The following KCNB2 variants were observed in gnomAD, a reference collection of about 807,000 sequenced individuals.
KCNB2 encodes the protein delayed rectifier potassium channel protein.
Under a neutral mutation model 61.5 loss-of-function variants are expected in KCNB2, and 15 were observed. The ratio of observed to expected loss-of-function variants is 0.24; its 90% CI spans 0.16 to 0.38. The LOEUF is 0.38. Among genes scored for constraint, KCNB2 ranks in the 10% least tolerant of loss-of-function variants. The pLI is 1.00. For missense variants in KCNB2, 828 were observed against 1,125.2 expected (o/e 0.74, Z 3.78); for synonymous variants, 457 against 446.0 (o/e 1.02, Z -0.31).
At chr8:72,894,835 A>G (rs192702726) in intron 2 of KCNB2, among the ~76,000 whole-genome samples, 138 of 152,338 alleles carry the variant, frequency 9.1e-4, no homozygotes, top group African/African-American at 3.2e-3. Context: ...ATTTTAGACC[A>G]TCTGGACATT....
At chr8:72,764,260 A>T (rs1174178707) in intron 2 of KCNB2, among the ~76,000 whole-genome samples, 1 of 152,180 alleles carries the variant, frequency 6.6e-6, no homozygotes, top group Non-Finnish European at 1.5e-5. Context: ...ACTGGAGCAG[A>T]TATGGGAGAA....
intron 2 of KCNB2, among the ~76,000 whole-genome samples, chr8:72,817,570 A>G (rs538987885): frequency 6.6e-6 from 1 of 152,344 alleles, no homozygotes; most frequent in African/African-American, 2.4e-5. Context: ...GTGACTGATC[A>G]GATTTCTAAG....
At chr8:72,593,429 CA>C (rs1277332351) in intron 2 of KCNB2, among the ~76,000 whole-genome samples, 1 of 152,108 alleles carries the variant, frequency 6.6e-6, no homozygotes, top group East Asian at 1.9e-4. Context: ...TGGTCTTTAG[CA>C]ACTAAAGAGA....
intron 2 of KCNB2, among the ~76,000 whole-genome samples, chr8:72,913,469 ATACCAAGG>A (rs1281186435): frequency 6.6e-6 from 1 of 152,224 alleles, no homozygotes; most frequent in Admixed American, 6.5e-5. Flanking sequence ...CCTTATAGAA[ATACCAAGG>A]TACTTTTGAG....
At chr8:72,766,454 A>G (rs1808461609) in intron 2 of KCNB2, among the ~76,000 whole-genome samples, 1 of 152,194 alleles carries the variant, frequency 6.6e-6, no homozygotes, top group African/African-American at 2.4e-5. Flanking sequence ...TACTGGGTTA[A>G]ACAAAGTTAC....
At chr8:72,841,592 G>A (rs527410554) in intron 2 of KCNB2, among the ~76,000 whole-genome samples, 1 of 152,082 alleles carries the variant, frequency 6.6e-6, no homozygotes, top group South Asian at 2.1e-4. Context: ...ATTTGTTTGT[G>A]TCCTCTCTTA....
intron 2 of KCNB2, among the ~76,000 whole-genome samples, chr8:72,867,077 ATAG>A (rs550932065): frequency 8.5e-5 from 13 of 152,354 alleles, no homozygotes; most frequent in African/African-American, 3.1e-4. Context: ...TGCCTGGCAT[ATAG>A]TAGGAGTTTA....
chr8:72,669,504 T>C (rs968328971), intron 2 of KCNB2, among the ~76,000 whole-genome samples: 1 of 152,210 alleles, frequency 6.6e-6, no homozygotes, highest in Admixed American at 6.5e-5. Flanking sequence ...GTGATGTGTA[T>C]AATTTTGGAA....
At chr8:72,802,194 A>C (rs1189286092) in intron 2 of KCNB2, among the ~76,000 whole-genome samples, 1 of 152,234 alleles carries the variant, frequency 6.6e-6, no homozygotes, top group African/African-American at 2.4e-5. Flanking sequence ...AATATTTTTC[A>C]GCAACTGATG....
chr8:72,625,890 C>G (rs911076631), intron 2 of KCNB2, among the ~76,000 whole-genome samples: 3 of 152,058 alleles, frequency 2.0e-5, no homozygotes, highest in Non-Finnish European at 4.4e-5. Context: ...AGAATCAGAA[C>G]TTTGCAGTCC....
chr8:72,739,622 T>C (rs184424446), intron 2 of KCNB2, among the ~76,000 whole-genome samples: 2 of 151,940 alleles, frequency 1.3e-5, no homozygotes, highest in African/African-American at 4.8e-5. Flanking sequence ...AAATTACATA[T>C]GGTTTGGTAT....
chr8:72,624,408 C>T (rs1012786466), intron 2 of KCNB2, among the ~76,000 whole-genome samples: 1 of 152,168 alleles, frequency 6.6e-6, no homozygotes, highest in East Asian at 1.9e-4. Context: ...TGGGGAAGTA[C>T]TTTCTTCAAC....
intron 2 of KCNB2, among the ~76,000 whole-genome samples, chr8:72,747,583 G>C (rs2128995264): frequency 6.6e-6 from 1 of 152,270 alleles, no homozygotes; most frequent in Admixed American, 6.5e-5. Flanking sequence ...TCTCTCACAA[G>C]AAAGAATTTG....
At chr8:72,838,497 T>A (rs555430867) in intron 2 of KCNB2, among the ~76,000 whole-genome samples, 50 of 152,374 alleles carry the variant, frequency 3.3e-4, no homozygotes, top group African/African-American at 1.1e-3. Context: ...ACATTTTCTT[T>A]ATCCAGTCTA....
At chr8:72,590,124 G>A (rs947254557) in intron 2 of KCNB2, among the ~76,000 whole-genome samples, 1 of 152,034 alleles carries the variant, frequency 6.6e-6, no homozygotes, top group Non-Finnish European at 1.5e-5. Flanking sequence ...ACTCCATTTG[G>A]AGCTGTAGAC....
intron 2 of KCNB2, among the ~76,000 whole-genome samples, chr8:72,707,357 A>G (rs566552020): frequency 6.6e-6 from 1 of 152,312 alleles, no homozygotes; most frequent in South Asian, 2.1e-4. Context: ...GGATGCCTTT[A>G]TGTTCCAAAG....
At chr8:72,649,452 G>T (rs1457128339) in intron 2 of KCNB2, among the ~76,000 whole-genome samples, 1 of 151,816 alleles carries the variant, frequency 6.6e-6, no homozygotes, top group Non-Finnish European at 1.5e-5. Flanking sequence ...CTAGAGTAGG[G>T]AGGAAGGGAG....
intron 2 of KCNB2, among the ~76,000 whole-genome samples, chr8:72,695,646 G>T (rs760447705): frequency 2.0e-5 from 3 of 152,120 alleles, no homozygotes; most frequent in Non-Finnish European, 1.5e-5. Flanking sequence ...AACGATAAAG[G>T]TAGAGCCATC....
At chr8:72,859,538 A>T (rs1810261287) in intron 2 of KCNB2, among the ~76,000 whole-genome samples, 1 of 151,580 alleles carries the variant, frequency 6.6e-6, no homozygotes, top group Admixed American at 6.6e-5. Context: ...ACACTTTCCC[A>T]ACCCTAAGCA....
Sources: allele counts gnomAD v4.1 joint callset (sites outside exome capture counted in the v4.1 genomes callset), GRCh38; gene constraint gnomAD v4.1.1; transcripts MANE v1.5; gene names NCBI Gene and HGNC (gene_info 2026-07-23, HGNC 2026-07-21).